Variants in MYO16 observed in about 807,000 individuals in gnomAD.
MYO16 encodes unconventional myosin-XVI.
MYO16 carries 94 observed loss-of-function variants against 205.3 expected under a neutral mutation model. That is an observed-to-expected ratio of 0.46 (90% CI 0.39 to 0.54). The LOEUF (loss-of-function observed/expected upper bound fraction) is 0.54, where lower values mean the gene tolerates loss of function less well. MYO16 is among the 20% of genes least tolerant of loss of function. The pLI, the probability that MYO16 is intolerant of heterozygous loss-of-function variation, is 0.00. For synonymous variants in MYO16, 988 were observed against 954.0 expected (o/e 1.04, Z -0.66); for missense variants, 2,315 against 2,387.5 (o/e 0.97, Z 0.63).
intron 32 of MYO16, among the ~76,000 whole-genome samples, chr13:109,153,275 A>G (rs1247658119): frequency 6.6e-6 from 1 of 152,206 alleles, no homozygotes; most frequent in Admixed American, 6.5e-5. Flanking sequence ...GCATCAGAAC[A>G]AGAGGAGGTT....
intron 23 of MYO16, among the ~76,000 whole-genome samples, chr13:109,044,592 C>G (rs1594497514): frequency 2.0e-5 from 3 of 152,192 alleles, no homozygotes; most frequent in Middle Eastern, 6.8e-3. Flanking sequence ...ATTATCTCAA[C>G]TTCCATTAAT....
At position 108,957,668 on chromosome 13, in the gene MYO16, C is replaced by A; in HGVS notation, c.1926-20C>A. On this transcript the variant is annotated intron_variant, in intron 16 of 34. Transcript: ENST00000457511. ...GACCGGAAGCCAGGCGATAACGTTA[C>A]GTGCCTTGTCTCCTAACAGGTATTT... is the stretch of plus-strand genomic sequence containing the variant. 6.5e-7 allele frequency: 1 copy of A among 1,547,600 alleles called. No individual in the cohort carries two copies. The highest frequency in any genetic ancestry group is 8.9e-7 in the Non-Finnish European group (1 of 1,120,968).
intron 4 of MYO16, among the ~76,000 whole-genome samples, chr13:108,748,997 C>T (rs922334549): frequency 6.6e-6 from 1 of 151,790 alleles, no homozygotes; most frequent in African/African-American, 2.4e-5. Flanking sequence ...ATATGTAAAA[C>T]AAGTATCTGA....
intron 29 of MYO16, among the ~76,000 whole-genome samples, chr13:109,120,918 G>A (rs1022565864): frequency 2.6e-5 from 4 of 151,984 alleles, no homozygotes; most frequent in African/African-American, 7.3e-5. Context: ...AGCATGGTGG[G>A]ACGCAACAAT....
At chr13:108,541,474 T>C in the MYO16 span, among the ~76,000 whole-genome samples, 2 of 151,832 alleles carry the variant, frequency 1.3e-5, no homozygotes, top group Non-Finnish European at 2.9e-5. Flanking sequence ...TACACTATAA[T>C]ATTGAATAGA....
rs1465138605 is a variant in MYO16 at position 109,119,885 on chromosome 13, T to C, written c.3439-485T>C. Among the ~76,000 whole-genome samples the C allele has an allele frequency of 3.9e-5, 6 of 152,348 alleles. No individual in the cohort carries two copies. The East Asian group carries it at 1.2e-3, about 29-fold the overall frequency. On this transcript the variant is annotated intron_variant, in intron 28 of 34. Transcript: ENST00000457511. ...ATTGCAGTTGTACAAACATTTGATT[T>C]ATAATAATATGTGGCATAGTGGGAA... is the stretch of plus-strand genomic sequence containing the variant.
chr13:108,912,815 A>C (rs1445793495), intron 16 of MYO16, among the ~76,000 whole-genome samples: 1 of 152,050 alleles, frequency 6.6e-6, no homozygotes, highest in Non-Finnish European at 1.5e-5. Context: ...CTTAGAGTGC[A>C]TCTGTGTCTA....
chr13:108,663,094 G>A (rs1407986424), intron 1 of MYO16, among the ~76,000 whole-genome samples: 1 of 152,202 alleles, frequency 6.6e-6, no homozygotes, highest in African/African-American at 2.4e-5. Context: ...GGCACTCATA[G>A]TATTTGAGGT....
intron 21 of MYO16, among the ~76,000 whole-genome samples, chr13:108,995,948 ATG>A (rs1228462340): frequency 6.6e-6 from 1 of 152,136 alleles, no homozygotes; most frequent in Non-Finnish European, 1.5e-5. Context: ...GCTGGAGAGG[ATG>A]TGGAGAAATA....
At chr13:108,886,040 T>G (rs931316329) in intron 13 of MYO16, among the ~76,000 whole-genome samples, 5 of 151,898 alleles carry the variant, frequency 3.3e-5, no homozygotes, top group African/African-American at 2.4e-5. Flanking sequence ...CAGGCTGGAG[T>G]GCAGTGGCGC....
intron 2 of MYO16, among the ~76,000 whole-genome samples, chr13:108,681,565 G>A (rs151322356): frequency 1.3e-4 from 20 of 152,096 alleles, no homozygotes; most frequent in Non-Finnish European, 2.4e-4. Context: ...ATAAATACCC[G>A]TCCCATTGGT....
At chr13:108,937,748 T>A (rs906645329) in intron 16 of MYO16, among the ~76,000 whole-genome samples, 4 of 152,232 alleles carry the variant, frequency 2.6e-5, no homozygotes, top group Non-Finnish European at 5.9e-5. Flanking sequence ...TCTGATTGAT[T>A]TCTTTAAGAT....
At chr13:108,610,069 T>G (rs147464743) in intron 1 of MYO16, among the ~76,000 whole-genome samples, 38 of 152,226 alleles carry the variant, frequency 2.5e-4, no homozygotes, top group African/African-American at 7.5e-4. Context: ...TGGGACTGAC[T>G]GAGTGTTACA....
rs1419433306 is a variant in MYO16, at chr13:108,970,847, A to G, written c.2369+5945A>G. ...ATAGGTTGAGGCCCCACACTTTCCC[A>G]AGTGTGCCTCTTAGACAAGAATTCT... On this transcript the variant is annotated intron_variant, in intron 20 of 34. Coordinates refer to ENST00000457511, the MANE Select transcript of MYO16 (RefSeq NM_001198950.3). Among the ~76,000 whole-genome samples, 3 of 152,170 alleles carry G rather than the reference A, an allele frequency of 2.0e-5. No homozygotes were observed. The East Asian group carries it at 5.8e-4, about 29-fold the overall frequency.
At chr13:108,886,548 G>T in intron 13 of MYO16, 1 of 454,554 alleles carries the variant, frequency 2.2e-6, no homozygotes, top group Admixed American at 2.4e-5. Context: ...CCCCTTCTCA[G>T]TTGAATACCA....
At chr13:108,708,676 G>A (rs1032388721) in intron 2 of MYO16, among the ~76,000 whole-genome samples, 17 of 152,168 alleles carry the variant, frequency 1.1e-4, no homozygotes, top group African/African-American at 3.6e-4. Context: ...TAACACCTTT[G>A]TGAATTCAAG....
upstream of MYO16, among the ~76,000 whole-genome samples, chr13:108,628,412 C>T (rs552987726): frequency 5.9e-5 from 9 of 152,236 alleles, no homozygotes; most frequent in Non-Finnish European, 1.2e-4. Context: ...ACACCAACAA[C>T]AGAAACCAGA....
chr13:108,849,675 C>T (rs535489921), intron 10 of MYO16, among the ~76,000 whole-genome samples: 4 of 131,220 alleles, frequency 3.0e-5, no homozygotes, highest in Admixed American at 8.3e-5. Context: ...GTAACTTATC[C>T]ATACTGGGTT....
At chr13:108,571,053 A>G in the MYO16 span, among the ~76,000 whole-genome samples, 1 of 152,170 alleles carries the variant, frequency 6.6e-6, no homozygotes, top group African/African-American at 2.4e-5. Flanking sequence ...GTAAATATAG[A>G]TCAGATTAGT....
Sources: gnomAD v4.1 joint callset for allele counts (sites outside exome capture counted in the v4.1 genomes callset) on GRCh38, gnomAD v4.1.1 for gene constraint, MANE v1.5 for transcripts, NCBI Gene and HGNC (gene_info 2026-07-23, HGNC 2026-07-21) for gene names.